The following TVP23B variants were observed in gnomAD, a reference collection of about 807,000 sequenced individuals.
TVP23B encodes Golgi apparatus membrane protein TVP23 homolog B.
In TVP23B, 10 loss-of-function variants were observed where a neutral mutation model predicts 30.6. That is an observed-to-expected ratio of 0.33 (90% CI 0.20 to 0.55). The LOEUF is 0.55. Among genes scored for constraint, TVP23B ranks in the 20% least tolerant of loss-of-function variants. The pLI, the probability that TVP23B is intolerant of heterozygous loss-of-function variation, is 0.91. For missense variants in TVP23B, 153 were observed against 243.2 expected (o/e 0.63, Z 2.47); for synonymous variants, 67 against 83.1 (o/e 0.81, Z 1.06).
At chr17:18,794,075 A>C (rs2036039765) in intron 3 of TVP23B, among the ~76,000 whole-genome samples, 2 of 152,044 alleles carry the variant, frequency 1.3e-5, no homozygotes, top group African/African-American at 4.8e-5. Context: ...AACTATGTAT[A>C]GTAAAAAAAT....
intron 1 of TVP23B, chr17:18,781,568 G>GGTCT (rs1245400835): frequency 1.9e-6 from 1 of 520,108 alleles, no homozygotes; most frequent in African/African-American, 1.9e-5. Flanking sequence ...CGCGAGTGGG[G>GGTCT]GTCTCTCTTT....
chr17:18,790,052 G>A (rs1257477811), intron 2 of TVP23B, among the ~76,000 whole-genome samples: 3 of 152,176 alleles, frequency 2.0e-5, no homozygotes, highest in Non-Finnish European at 2.9e-5. Context: ...GTAATGAAAA[G>A]TTGTAAAATT....
Position 18,797,412 on chromosome 17 carries a change from A to G in TVP23B, c.241-167A>G, listed in dbSNP as rs2036092413. The G allele has an allele frequency of 4.2e-6, 6 of 1,419,108 alleles. No individual in the cohort carries two copies. In the Admixed American group the frequency reaches 1.0e-4, roughly 24 times the overall value. The allele number at this position is 1,419,108 out of a possible 1,614,324, so 87.9% of individuals were successfully genotyped here. On this transcript the variant is annotated intron_variant, in intron 3 of 6. Transcript: ENST00000307767. ...CTATTAGTCCTGCCATTACCATTTT[A>G]CTTAATCACTTAGCCAGGCCTGATA...
At chr17:18,786,549 A>G (rs2035908310) in intron 1 of TVP23B, among the ~76,000 whole-genome samples, 1 of 152,210 alleles carries the variant, frequency 6.6e-6, no homozygotes. Flanking sequence ...TTTTATTCAT[A>G]ACATCATACG....
chr17:18,787,950 G>A (rs2035933035), intron 1 of TVP23B, among the ~76,000 whole-genome samples: 1 of 152,174 alleles, frequency 6.6e-6, no homozygotes, highest in Non-Finnish European at 1.5e-5. Context: ...TAAAGGCAGG[G>A]AGGCTGGTGA....
At chr17:18,803,534 C>T (rs1025495785) in intron 5 of TVP23B, among the ~76,000 whole-genome samples, 4 of 152,126 alleles carry the variant, frequency 2.6e-5, no homozygotes, top group Non-Finnish European at 5.9e-5. Context: ...AGTGGGATGA[C>T]CATAGGTGAG....
chr17:18,781,393 C>T (rs905296775), intron 1 of TVP23B, 88 bp downstream of exon 1: 7 of 1,531,622 alleles, frequency 4.6e-6, no homozygotes, highest in Non-Finnish European at 6.2e-6. Flanking sequence ...GTCCCCCGCG[C>T]CCGCTACTCG....
In TVP23B at chr17:18,781,242, T is replaced by C. The variant is rs2151840615; in HGVS notation, c.-52T>C. The stretch of plus-strand genomic sequence containing the variant: ...TCGCCTCAGTTCCGACCCGGACCCG[T>C]ACGCTGCTGCGCTGACGTGGCTCCC... On this transcript the variant is annotated 5_prime_UTR_variant, in exon 1 of 7. Transcript: ENST00000307767. 1 of 1,555,186 alleles carries C rather than the reference T, an allele frequency of 6.4e-7. No individual in the cohort carries two copies. Among genetic ancestry groups the C allele is most frequent in the East Asian group, 2.4e-5 (1 of 41,700 alleles).
intron 1 of TVP23B, chr17:18,782,530 C>G (rs2035823881): frequency 6.6e-6 from 1 of 151,612 alleles, no homozygotes. Flanking sequence ...AGTCTTGGAT[C>G]AGGCAAGAAG....
chr17:18,800,841 A>G (rs1219860812), intron 5 of TVP23B, among the ~76,000 whole-genome samples: 2 of 152,060 alleles, frequency 1.3e-5, no homozygotes, highest in Non-Finnish European at 2.9e-5. Flanking sequence ...GATCATTTTT[A>G]TTTGTTCTCA....
intron 3 of TVP23B, among the ~76,000 whole-genome samples, chr17:18,793,674 T>C (rs1160364055): frequency 6.6e-6 from 1 of 150,522 alleles, no homozygotes; most frequent in East Asian, 1.9e-4. Flanking sequence ...TTGGAGAAGA[T>C]GGAGCAAGTA....
At chr17:18,800,836 T>C (rs2036152761) in intron 5 of TVP23B, among the ~76,000 whole-genome samples, 1 of 152,264 alleles carries the variant, frequency 6.6e-6, no homozygotes, top group African/African-American at 2.4e-5. Flanking sequence ...TGTTGGATCA[T>C]TTTTATTTGT....
chr17:18,795,865 T>C (rs770692507), intron 3 of TVP23B: 11 of 152,080 alleles, frequency 7.2e-5, no homozygotes, highest in Non-Finnish European at 1.6e-4. Flanking sequence ...TATTAATCTC[T>C]TACTGTGCAT....
At chr17:18,793,450 A>G (rs927784394) in intron 3 of TVP23B, among the ~76,000 whole-genome samples, 2 of 150,086 alleles carry the variant, frequency 1.3e-5, no homozygotes, top group Admixed American at 6.6e-5. Flanking sequence ...TGCTAAAAAA[A>G]AAAAAAAAAA....
At chr17:18,783,088 TATTGATTGATTG>T (rs1206683586) in intron 1 of TVP23B, among the ~76,000 whole-genome samples, 1 of 107,872 alleles carries the variant, frequency 9.3e-6, no homozygotes, top group East Asian at 2.2e-4. Context: ...TTTATTTATT[TATTGATTGATTG>T]ATTGATTCAT....
intron 1 of TVP23B, chr17:18,782,599 G>GTGGCTAC (rs2035824705): frequency 6.6e-6 from 1 of 152,254 alleles, no homozygotes; most frequent in South Asian, 2.1e-4. Flanking sequence ...AAGTAAAGGA[G>GTGGCTAC]TGGCTACTCC....
chr17:18,793,595 CAA>C (rs71155356), intron 3 of TVP23B, among the ~76,000 whole-genome samples: 48 of 86,830 alleles, frequency 5.5e-4, no homozygotes, highest in African/African-American at 9.0e-4. Context: ...GACTCCATCT[CAA>C]AAAAAAAAAA....
chr17:18,804,029 G>A (rs1432209758), intron 5 of TVP23B, 109 bp from the exon 6 acceptor site: 8 of 650,688 alleles, frequency 1.2e-5, no homozygotes, highest in Non-Finnish European at 1.9e-5. Flanking sequence ...GCTTTGCAGA[G>A]CTTCCTCTTC....
intron 6 of TVP23B, among the ~76,000 whole-genome samples, chr17:18,805,018 A>G (rs557638555): frequency 1.1e-3 from 162 of 147,580 alleles, no homozygotes; most frequent in Admixed American, 5.4e-3. Context: ...TTTCAGCAGG[A>G]TGAGTAGTAG....
Sources: gnomAD v4.1 joint callset for allele counts (sites outside exome capture counted in the v4.1 genomes callset) on GRCh38, gnomAD v4.1.1 for gene constraint, MANE v1.5 for transcripts, NCBI Gene and HGNC (gene_info 2026-07-23, HGNC 2026-07-21) for gene names.